Variants in MALRD1 observed in about 807,000 individuals in gnomAD.
MALRD1 encodes the protein MAM and LDL receptor class A domain containing 1, also known as MAM and LDL-receptor class A domain-containing protein 1.
In MALRD1, 247 loss-of-function variants were observed where a neutral mutation model predicts 242.1. That is an observed-to-expected ratio of 1.02 (90% confidence interval 0.92 to 1.13). The LOEUF (loss-of-function observed/expected upper bound fraction) is 1.13, where lower values mean the gene tolerates loss of function less well. Ranked by LOEUF, MALRD1 falls within the 50% of genes most tolerant of loss-of-function variation. The probability of loss-of-function intolerance (pLI) is 0.00; values close to 1 mark genes in which losing one functional copy is unlikely to be tolerated. For missense variants in MALRD1, 2,989 were observed against 2,533.1 expected, an observed-to-expected ratio of 1.18 and a Z score of -3.86; for synonymous variants, 995 against 866.6, an observed-to-expected ratio of 1.15 and a Z score of -2.60.
At chr10:19,442,352 C>CCAATACT (rs1392163708) in intron 28 of MALRD1, among the ~76,000 whole-genome samples, 1 of 149,654 alleles carries the variant, frequency 6.7e-6, no homozygotes, top group Admixed American at 6.7e-5. Flanking sequence ...TTGCCAGCAT[C>CCAATACT]ATGTTGAATA....
At chr10:19,048,781 T>C (rs182561707), upstream of MALRD1, 953 of 466,488 alleles carry the variant, frequency 2.0e-3, 7 homozygotes, top group South Asian at 0.018. Context: ...GCAAATTAAC[T>C]GCCTGGGGAG....
At chr10:19,303,421 A>G (rs1842034820) in intron 21 of MALRD1, among the ~76,000 whole-genome samples, 1 of 151,764 alleles carries the variant, frequency 6.6e-6, no homozygotes, top group Non-Finnish European at 1.5e-5. Context: ...CACAGATATA[A>G]ATAGAAAAAC....
chr10:19,414,168 T>C, intron 28 of MALRD1, among the ~76,000 whole-genome samples: 1 of 152,166 alleles, frequency 6.6e-6, no homozygotes, highest in East Asian at 1.9e-4. Flanking sequence ...GTTTAATAAT[T>C]AAAATTATGG....
intron 7 of MALRD1, among the ~76,000 whole-genome samples, chr10:19,127,553 T>C (rs1837320754): frequency 6.6e-6 from 1 of 152,188 alleles, no homozygotes; most frequent in African/African-American, 2.4e-5. Context: ...ATTCAGACTT[T>C]ATTTTTGAAA....
chr10:19,294,894 C>G (rs1286477486), intron 21 of MALRD1, among the ~76,000 whole-genome samples: 1 of 151,978 alleles, frequency 6.6e-6, no homozygotes. Flanking sequence ...ATGATATGGA[C>G]ATTATGCATA....
chr10:19,630,082 G>T (rs1564498830), intron 36 of MALRD1, among the ~76,000 whole-genome samples: 1 of 152,130 alleles, frequency 6.6e-6, no homozygotes, highest in Non-Finnish European at 1.5e-5. Context: ...GTTTGCTGTT[G>T]CCCTAATCTG....
At chr10:19,134,535 G>C (rs1833252738) in intron 9 of MALRD1, among the ~76,000 whole-genome samples, 1 of 148,196 alleles carries the variant, frequency 6.7e-6, no homozygotes, top group South Asian at 2.1e-4. Context: ...TATATGGAAT[G>C]TGTAAGTTTA....
At chr10:19,125,349 C>T (rs1837240322) in intron 7 of MALRD1, among the ~76,000 whole-genome samples, 2 of 101,690 alleles carry the variant, frequency 2.0e-5, no homozygotes, top group African/African-American at 4.1e-5. Context: ...TTCTTTCTTT[C>T]TTTCTTTCTT....
intron 32 of MALRD1, among the ~76,000 whole-genome samples, chr10:19,532,504 T>G (rs1834464647): frequency 6.6e-6 from 1 of 152,162 alleles, no homozygotes; most frequent in Non-Finnish European, 1.5e-5. Flanking sequence ...TCCACCCACC[T>G]CAGCCTCCCA....
chr10:19,289,507 A>T (rs1288045907), intron 21 of MALRD1, among the ~76,000 whole-genome samples: 1 of 152,188 alleles, frequency 6.6e-6, no homozygotes, highest in Non-Finnish European at 1.5e-5. Context: ...GTCAGATAAT[A>T]TTTAACATAT....
intron 28 of MALRD1, among the ~76,000 whole-genome samples, chr10:19,399,989 T>C (rs368910657): frequency 9.9e-5 from 15 of 152,192 alleles, no homozygotes; most frequent in African/African-American, 3.6e-4. Flanking sequence ...TAACAATTCC[T>C]TTAATTTAGG....
chr10:19,359,962 G>T (rs1028091024), intron 26 of MALRD1, among the ~76,000 whole-genome samples: 1 of 152,000 alleles, frequency 6.6e-6, no homozygotes, highest in Admixed American at 6.6e-5. Context: ...ACCTTTATTA[G>T]TTTCACTGGA....
chr10:19,403,583 G>C (rs1190963606), intron 28 of MALRD1, among the ~76,000 whole-genome samples: 1 of 152,108 alleles, frequency 6.6e-6, no homozygotes, highest in Non-Finnish European at 1.5e-5. Flanking sequence ...GTGACTTAGA[G>C]ACTTAAGGTT....
chr10:19,712,348 C>T (rs529249972), intron 38 of MALRD1, among the ~76,000 whole-genome samples: 64 of 152,160 alleles, frequency 4.2e-4, no homozygotes, highest in Non-Finnish European at 8.5e-4. Flanking sequence ...CAAGAAAATG[C>T]AGTTTTATTG....
chr10:19,629,649 T>C (rs1839821517), intron 36 of MALRD1, among the ~76,000 whole-genome samples: 1 of 152,178 alleles, frequency 6.6e-6, no homozygotes, highest in Non-Finnish European at 1.5e-5. Context: ...GTGATGTGTG[T>C]GCATGTGGCC....
intron 26 of MALRD1, among the ~76,000 whole-genome samples, chr10:19,375,315 G>A (rs565310801): frequency 3.6e-4 from 55 of 152,118 alleles, no homozygotes; most frequent in Non-Finnish European, 6.8e-4. Context: ...CAACAATAGA[G>A]GAATGCAAAG....
intron 33 of MALRD1, among the ~76,000 whole-genome samples, chr10:19,588,150 A>T (rs533848284): frequency 1.3e-3 from 192 of 151,600 alleles, no homozygotes; most frequent in African/African-American, 4.3e-3. Context: ...ATATTCGAAA[A>T]TTTTTTTTTA....
chr10:19,262,268 T>C (rs1290973641), intron 19 of MALRD1, among the ~76,000 whole-genome samples: 1 of 152,122 alleles, frequency 6.6e-6, no homozygotes, highest in Non-Finnish European at 1.5e-5. Context: ...TTTTGACATG[T>C]CTATATATTA....
At chr10:19,687,355 T>C (rs1842620841) in intron 36 of MALRD1, among the ~76,000 whole-genome samples, 1 of 152,164 alleles carries the variant, frequency 6.6e-6, no homozygotes, top group African/African-American at 2.4e-5. Context: ...GTGAATCTCA[T>C]TGTGCTATTC....
Sources: allele counts gnomAD v4.1 joint callset (sites outside exome capture counted in the v4.1 genomes callset), GRCh38; gene constraint gnomAD v4.1.1; transcripts MANE v1.5; gene names NCBI Gene and HGNC (gene_info 2026-07-23, HGNC 2026-07-21).